LRRC40: variants seen among roughly 807,000 people sequenced by gnomAD.
LRRC40 encodes the protein leucine rich repeat containing 40.
LRRC40 carries 76 observed loss-of-function variants against 72.8 expected under a neutral mutation model. The observed-to-expected ratio is 1.04, with a 90% CI of 0.87 to 1.26. The LOEUF (loss-of-function observed/expected upper bound fraction) is 1.26. Among genes scored for constraint, LRRC40 ranks in the 50% most tolerant of loss-of-function variants. The pLI is 0.00. For synonymous variants in LRRC40, 243 were observed against 254.2 expected, an observed-to-expected ratio of 0.96 and a Z score of 0.42; for missense variants, 684 against 698.9, an observed-to-expected ratio of 0.98 and a Z score of 0.24.
At chr1:70,173,752 A>G (rs760735027) in intron 7 of LRRC40, 43 bp from the exon 8 acceptor site, 1 of 941,286 alleles carries the variant, frequency 1.1e-6, no homozygotes, top group South Asian at 1.6e-5. Flanking sequence ...ATCAAATATA[A>G]GTATACTCCA....
At chr1:70,192,296 A>G (rs1353375078) in intron 1 of LRRC40, among the ~76,000 whole-genome samples, 4 of 151,870 alleles carry the variant, frequency 2.6e-5, no homozygotes, top group African/African-American at 7.3e-5. Context: ...TAGGAATGCT[A>G]GTGATTTTTG....
At chr1:70,156,517 C>T (rs1253875805) in intron 10 of LRRC40, among the ~76,000 whole-genome samples, 2 of 152,044 alleles carry the variant, frequency 1.3e-5, no homozygotes, top group South Asian at 4.1e-4. Flanking sequence ...TAAATTTCCT[C>T]TTTATTAAAA....
intron 1 of LRRC40, among the ~76,000 whole-genome samples, chr1:70,198,785 T>G (rs1668669900): frequency 6.6e-6 from 1 of 152,162 alleles, no homozygotes; most frequent in Non-Finnish European, 1.5e-5. Flanking sequence ...AATAAGATTT[T>G]TCAAGTGACA....
At chr1:70,191,821 A>G (rs1668507028) in intron 1 of LRRC40, among the ~76,000 whole-genome samples, 5 of 152,186 alleles carry the variant, frequency 3.3e-5, no homozygotes, top group Admixed American at 3.3e-4. Context: ...TATCAAAAAA[A>G]TTACTATGGA....
At chr1:70,165,397 TGA>T (rs386632239) in intron 9 of LRRC40, among the ~76,000 whole-genome samples, 261 of 152,354 alleles carry the variant, frequency 1.7e-3, no homozygotes, top group African/African-American at 6.1e-3. Flanking sequence ...CAGTGGAGTC[TGA>T]GGAATCTGTG....
At position 70,181,088 on chromosome 1, in the gene LRRC40, T is replaced by C; in HGVS notation, c.659A>G (p.Lys220Arg). The change falls in exon 5 of 15, where the codon AAA becomes AGA. Residue 220 changes from lysine (K) to arginine (R), a missense_variant and splice_region_variant. By Grantham distance (26) the Lys-to-Arg change is conservative (BLOSUM62 2). Transcript: ENST00000370952. ...TATGTAAAACAGAAAATATTTACTT[T>C]TCATTCTATTTATTTCTGCTGGCAA... ...KSLPAEINRM[K>R]RLKHLDCNSN... 1 of 1,510,348 alleles carries C rather than the reference T, an allele frequency of 6.6e-7. No homozygotes were observed. Among genetic ancestry groups the C allele is most frequent in the African/African-American group, 1.4e-5 (1 of 71,544 alleles). The allele number at this position is 1,510,348 out of a possible 1,614,324, so 93.6% of individuals were successfully genotyped here.
chr1:70,166,351 G>A (rs968862181), intron 9 of LRRC40, among the ~76,000 whole-genome samples: 1 of 152,012 alleles, frequency 6.6e-6, no homozygotes, highest in Non-Finnish European at 1.5e-5. Context: ...AAGAAGCAGA[G>A]CAACAAATAA....
intron 5 of LRRC40, among the ~76,000 whole-genome samples, chr1:70,180,799 T>C (rs1425262867): frequency 3.3e-5 from 5 of 152,128 alleles, no homozygotes; most frequent in African/African-American, 9.7e-5. Flanking sequence ...TTTATGAATG[T>C]TGAATGAATG....
At chr1:70,157,575 C>G (rs548068361) in intron 10 of LRRC40, among the ~76,000 whole-genome samples, 1 of 151,950 alleles carries the variant, frequency 6.6e-6, no homozygotes, top group Non-Finnish European at 1.5e-5. Context: ...GCATATGTAC[C>G]TAGTACAACA....
At chr1:70,203,664 G>T (rs1406967933) in intron 1 of LRRC40, among the ~76,000 whole-genome samples, 2 of 152,120 alleles carry the variant, frequency 1.3e-5, no homozygotes, top group Non-Finnish European at 2.9e-5. Flanking sequence ...ATCTCATTTA[G>T]ACCTTAATAG....
intron 9 of LRRC40, among the ~76,000 whole-genome samples, chr1:70,160,433 GAATA>G (rs1667731374): frequency 6.6e-6 from 1 of 152,108 alleles, no homozygotes. Context: ...AAGTAGCACA[GAATA>G]AATGACAGAA....
chr1:70,147,282 G>A lies in LRRC40; in HGVS notation c.1703+1205C>T, dbSNP rs146326292. On this transcript the variant is annotated intron_variant, in intron 14 of 14. Coordinates refer to ENST00000370952, the MANE Select transcript of LRRC40 (RefSeq NM_017768.5). ...ATTTTGGTGGTTCATTTAGTGCCAC[G>A]CTTTTCAAATTTTCATACCTTTGTT... 1.1e-4 allele frequency: 16 copies of A among 152,246 alleles called. No individual in the cohort carries two copies. In the South Asian group the frequency reaches 2.3e-3, roughly 22 times the overall value. The allele number at this position is 152,246 out of a possible 1,614,324, so 9.4% of individuals were successfully genotyped here.
chr1:70,184,960 A>G lies in LRRC40; in HGVS notation c.408-46T>C, dbSNP rs773152843. On this transcript the variant is annotated intron_variant, in intron 3 of 14. Coordinates refer to ENST00000370952, the MANE Select transcript of LRRC40 (RefSeq NM_017768.5). ...TGATGAATAATTTAGTGGCAATACAATAAATATTTATCAAAGACATTTCTT... is the reference window on the plus strand; with the variant it reads ...TGATGAATAATTTAGTGGCAATACAGTAAATATTTATCAAAGACATTTCTT... 2.7e-6 allele frequency: 4 copies of G among 1,456,732 alleles called. No homozygotes were observed. In the African/African-American group the frequency reaches 5.7e-5, roughly 21 times the overall value. The allele number at this position is 1,456,732 out of a possible 1,614,324, so 90.2% of individuals were successfully genotyped here.
Position 70,184,790 on chromosome 1 carries a change from C to A in LRRC40, c.532G>T (p.Asp178Tyr), listed in dbSNP as rs767457102. 6.3e-7 allele frequency: 1 copy of A among 1,599,858 alleles called. No homozygotes were observed. The highest frequency in any genetic ancestry group is 1.1e-5 in the South Asian group (1 of 87,468). ...EGFEQLSNLE[D>Y]LDLSNNHLTT... ...ATTGGAAAATCAGAACTTACTAAAT[C>A]TTCTAAATTGGAAAGTTGTTCAAAT... The change falls in exon 4 of 15, where the codon GAT becomes TAT. Residue 178 changes from aspartate (D) to tyrosine (Y), a missense_variant. Asp to Tyr is a radical substitution (Grantham distance 160). Coordinates refer to ENST00000370952, the MANE Select transcript of LRRC40 (RefSeq NM_017768.5).
chr1:70,155,894 A>G (rs1667627569), intron 10 of LRRC40, 98 bp from the exon 11 acceptor site: 1 of 488,756 alleles, frequency 2.0e-6, no homozygotes, highest in East Asian at 3.3e-5. Context: ...AGATTTTATG[A>G]AATTTTTCAA....
At chr1:70,180,367 C>A (rs915912953) in intron 5 of LRRC40, 1 of 152,222 alleles carries the variant, frequency 6.6e-6, no homozygotes, top group Admixed American at 6.6e-5. Context: ...CCCAGAACTC[C>A]CTAGGCTCAA....
At chr1:70,152,709 TAATAAA>T (rs1667533951) in intron 11 of LRRC40, among the ~76,000 whole-genome samples, 166 bp from the exon 12 acceptor site, 1 of 152,168 alleles carries the variant, frequency 6.6e-6, no homozygotes. Flanking sequence ...GATATGTAAC[TAATAAA>T]AATAATTTTT....
At chr1:70,188,555 T>G (rs1006038588) in intron 2 of LRRC40, among the ~76,000 whole-genome samples, 1 of 151,686 alleles carries the variant, frequency 6.6e-6, no homozygotes, top group African/African-American at 2.4e-5. Context: ...GGAAACATAG[T>G]GAGACCCTCA....
At chr1:70,191,915 T>G (rs1277811082) in intron 1 of LRRC40, among the ~76,000 whole-genome samples, 1 of 152,132 alleles carries the variant, frequency 6.6e-6, no homozygotes, top group Non-Finnish European at 1.5e-5. Context: ...GCCTCCAGCT[T>G]TGTTCTTTTT....
Sources: allele counts gnomAD v4.1 joint callset (sites outside exome capture counted in the v4.1 genomes callset), GRCh38; gene constraint gnomAD v4.1.1; transcripts MANE v1.5; gene names NCBI Gene and HGNC (gene_info 2026-07-23, HGNC 2026-07-21).